NRXN1: variants seen among roughly 807,000 people sequenced by gnomAD.
NRXN1 encodes the protein neurexin-1.
A neutral mutation model predicts 150.9 loss-of-function variants in NRXN1; 39 were observed. That is an observed-to-expected ratio of 0.26 (90% CI 0.20 to 0.34). The LOEUF is 0.34. Among genes scored for constraint, NRXN1 ranks in the 10% least tolerant of loss-of-function variants. NRXN1 has a pLI of 1.00. For synonymous variants in NRXN1, 924 were observed against 757.0 expected, an observed-to-expected ratio of 1.22 and a Z score of -3.62; for missense variants, 1,815 against 1,949.9, an observed-to-expected ratio of 0.93 and a Z score of 1.30.
Position 51,027,748 on chromosome 2 carries a change from C to T in NRXN1, c.526G>A (p.Glu176Lys), listed in dbSNP as rs1055688829. The part of the protein sequence containing the change: ...ALKLTLASVR[E>K]REPFKGWIRD... ...ATCCACCCCTTGAAGGGCTCCCGCT[C>T]CCTCACCGAGGCCAGGGTGAGCTTG... is the stretch of plus-strand genomic sequence containing the variant. The change falls in exon 2 of 23, where the codon GAG becomes AAG. Residue 176 changes from glutamate (E) to lysine (K), a missense_variant. This residue lies in a region of NRXN1 where 554 missense variants were observed against 478.8 expected (regional missense o/e 1.16). Coordinates refer to ENST00000401669, the MANE Select transcript of NRXN1 (RefSeq NM_001330078.2). 1 of 1,612,108 alleles carries T rather than the reference C, an allele frequency of 6.2e-7. No individual in the cohort carries two copies.
At position 50,447,737 on chromosome 2, in the gene NRXN1, T is replaced by TTTTATATATATATA. The variant is rs1208594855; in HGVS notation, c.3364+17704_3364+17705insTATATATATATAAA. Among the ~76,000 whole-genome samples, 361 of 37,876 alleles carry TTTTATATATATATA rather than the reference T, an allele frequency of 9.5e-3. 60 individuals carry two copies. Among genetic ancestry groups the TTTTATATATATATA allele is most frequent in the African/African-American group, 0.03 (181 of 6,076 alleles). 24.8% of individuals were successfully genotyped at this position (37,876 alleles called of 152,430 possible). A position where few individuals can be genotyped will look rare whatever the true frequency, so the allele number is the denominator to read the frequency against. On this transcript the variant is annotated intron_variant, in intron 17 of 22. Transcript: ENST00000401669. ...AAATCACATAGTAAGCAGGGGAACG[T>TTTTATATATATATA]TATATATATATATATATATATATAT...
At chr2:50,685,619 T>A (rs1691111973) in intron 5 of NRXN1, among the ~76,000 whole-genome samples, 1 of 152,124 alleles carries the variant, frequency 6.6e-6, no homozygotes. Context: ...GAGTATAGGA[T>A]CCCTTAAGTT....
chr2:50,281,515 G>C (rs1207140660), intron 17 of NRXN1, among the ~76,000 whole-genome samples: 1 of 151,792 alleles, frequency 6.6e-6, no homozygotes, highest in Non-Finnish European at 1.5e-5. Context: ...GATTGTTGAG[G>C]CTCAAATGAG....
intron 17 of NRXN1, among the ~76,000 whole-genome samples, chr2:50,256,702 C>T (rs1044971180): frequency 2.6e-5 from 4 of 152,116 alleles, no homozygotes; most frequent in Non-Finnish European, 5.9e-5. Flanking sequence ...GTAGAGCCTA[C>T]ATTTCCCATT....
At chr2:50,811,682 C>T (rs1032420547) in intron 5 of NRXN1, among the ~76,000 whole-genome samples, 10 of 152,118 alleles carry the variant, frequency 6.6e-5, no homozygotes, top group African/African-American at 2.4e-4. Flanking sequence ...GATTTATTAT[C>T]TGGCTTCATA....
At chr2:50,825,718 C>A (rs1670354377) in intron 5 of NRXN1, among the ~76,000 whole-genome samples, 1 of 152,208 alleles carries the variant, frequency 6.6e-6, no homozygotes, top group Non-Finnish European at 1.5e-5. Context: ...ATTAATGGAA[C>A]CCAAGGATGG....
intron 5 of NRXN1, among the ~76,000 whole-genome samples, chr2:50,916,293 T>C (rs564131071): frequency 3.3e-5 from 5 of 151,102 alleles, no homozygotes; most frequent in Non-Finnish European, 5.9e-5. Flanking sequence ...CAATATTATA[T>C]TATTATATTT....
intron 17 of NRXN1, among the ~76,000 whole-genome samples, chr2:50,273,252 C>A (rs982789431): frequency 6.6e-6 from 1 of 152,098 alleles, no homozygotes; most frequent in Non-Finnish European, 1.5e-5. Flanking sequence ...AACATTTTCC[C>A]CCCAATAATT....
At chr2:49,996,488 C>T (rs1196695193) in intron 21 of NRXN1, among the ~76,000 whole-genome samples, 1 of 152,142 alleles carries the variant, frequency 6.6e-6, no homozygotes, top group Non-Finnish European at 1.5e-5. Context: ...AATAAGTTAA[C>T]TGACATGGCA....
intron 17 of NRXN1, among the ~76,000 whole-genome samples, chr2:50,418,924 C>A (rs2083758149): frequency 6.6e-6 from 1 of 151,722 alleles, no homozygotes; most frequent in African/African-American, 2.4e-5. Flanking sequence ...TTACAAAAAT[C>A]TTTTTTATTT....
chr2:50,883,409 C>T (rs1406959918), intron 5 of NRXN1, among the ~76,000 whole-genome samples: 1 of 148,104 alleles, frequency 6.8e-6, no homozygotes, highest in Non-Finnish European at 1.5e-5. Flanking sequence ...TCACAACATT[C>T]AACATTTACA....
intron 5 of NRXN1, chr2:50,829,423 C>T (rs540117720): frequency 7.6e-6 from 11 of 1,440,180 alleles, no homozygotes; most frequent in Admixed American, 5.2e-5. Context: ...CCACTGTGCC[C>T]GGCTAACTCA....
intron 1 of NRXN1, among the ~76,000 whole-genome samples, chr2:51,030,694 C>G (rs1246518914): frequency 2.6e-5 from 4 of 152,118 alleles, no homozygotes; most frequent in Admixed American, 2.6e-4. Context: ...CTTGTCTTCT[C>G]CTATATCAAA....
At chr2:49,952,465 A>C (rs1303956500) in intron 21 of NRXN1, among the ~76,000 whole-genome samples, 1 of 152,094 alleles carries the variant, frequency 6.6e-6, no homozygotes, top group African/African-American at 2.4e-5. Context: ...ACAGAAATTC[A>C]AATATTGACA....
At chr2:50,298,722 T>C (rs978344355) in intron 17 of NRXN1, among the ~76,000 whole-genome samples, 1 of 152,206 alleles carries the variant, frequency 6.6e-6, no homozygotes, top group Non-Finnish European at 1.5e-5. Flanking sequence ...TGTAATCATT[T>C]ATTACATAAT....
intron 18 of NRXN1, among the ~76,000 whole-genome samples, chr2:50,227,541 G>A (rs1193142766): frequency 6.6e-6 from 1 of 151,992 alleles, no homozygotes; most frequent in African/African-American, 2.4e-5. Flanking sequence ...TGCTGAAAGT[G>A]GGTGAACATT....
At chr2:50,509,760 T>C (rs1349554573) in intron 12 of NRXN1, among the ~76,000 whole-genome samples, 2 of 152,214 alleles carry the variant, frequency 1.3e-5, no homozygotes, top group Non-Finnish European at 2.9e-5. Context: ...TATCAAACCA[T>C]GCATCAGTTG....
chr2:50,807,823 G>T, intron 5 of NRXN1, among the ~76,000 whole-genome samples: 1 of 152,142 alleles, frequency 6.6e-6, no homozygotes, highest in African/African-American at 2.4e-5. Flanking sequence ...TCAGTTTGAG[G>T]CAGTAGGTTC....
chr2:50,760,761 T>C (rs1701713190), intron 5 of NRXN1, among the ~76,000 whole-genome samples: 1 of 151,872 alleles, frequency 6.6e-6, no homozygotes, highest in Admixed American at 6.6e-5. Context: ...GGTGGGTGTG[T>C]CTTGATGGGA....
Sources: gnomAD v4.1 joint callset for allele counts (sites outside exome capture counted in the v4.1 genomes callset) on GRCh38, gnomAD v4.1.1 for gene constraint, gnomAD v4.1.1 regional missense constraint, MANE v1.5 for transcripts, NCBI Gene and HGNC (gene_info 2026-07-23, HGNC 2026-07-21) for gene names.